The following ZNF605 variants were observed in gnomAD, a reference collection of about 807,000 sequenced individuals.
ZNF605 encodes zinc finger protein 605.
A neutral mutation model predicts 7.9 loss-of-function variants in ZNF605; 9 were observed. The ratio of observed to expected loss-of-function variants is 1.14; its 90% CI spans 0.68 to 1.98. ZNF605 has a LOEUF of 1.98. Among genes scored for constraint, ZNF605 ranks in the 30% most tolerant of loss-of-function variants. The probability of loss-of-function intolerance (pLI) is 0.00; values close to 1 mark genes in which losing one functional copy is unlikely to be tolerated. For missense variants in ZNF605, 673 were observed against 762.4 expected (o/e 0.88, Z 1.38); for synonymous variants, 255 against 260.1 (o/e 0.98, Z 0.19).
rs1016235781 is a variant in ZNF605 at position 132,922,345 on chromosome 12, A to C, written c.*3028T>G. On this transcript the variant is annotated 3_prime_UTR_variant, in exon 5 of 5. Coordinates refer to ENST00000360187, the MANE Select transcript of ZNF605 (RefSeq NM_183238.4). ...TTCTATTACTGAAGAGGAGCTTAGT[A>C]ATAACTGCAAGTCTATTTATATATG... is the stretch of plus-strand genomic sequence containing the variant. 1 of 152,240 alleles carries C rather than the reference A, an allele frequency of 6.6e-6. No homozygotes were observed. The highest frequency in any genetic ancestry group is 1.5e-5 in the Non-Finnish European group (1 of 68,038). The allele number at this position is 152,240 out of a possible 1,614,324, so 9.4% of individuals were successfully genotyped here.
rs1249825680 is a variant in ZNF605, at chr12:132,933,818, C to G, written c.16-663G>C. Among the ~76,000 whole-genome samples, 1 of 152,176 alleles carries G rather than the reference C, an allele frequency of 6.6e-6. No individual in the cohort carries two copies. Among genetic ancestry groups the G allele is most frequent in the Non-Finnish European group, 1.5e-5 (1 of 68,038 alleles). ...ATGTACCTATCCACTGAACAAGAAA[C>G]CAGAATAGGTTGTCTTTAAACAATA... is the stretch of plus-strand genomic sequence containing the variant. On this transcript the variant is annotated intron_variant, in intron 3 of 4. Coordinates refer to ENST00000360187, the MANE Select transcript of ZNF605 (RefSeq NM_183238.4). This position sits in a 1 kb window ranked among gnomAD's most constrained non-coding sequence, Gnocchi z 4.4.
Position 132,918,634 on chromosome 12 carries a change from G to A in ZNF605, c.*6739C>T, listed in dbSNP as rs1271459779. Reference sequence around the variant, plus strand: ...ACTCTGTTGCTCAGGCTGGAGTGCAGTGGTGGTGCCATCTTGGCTCACTGC... The same window carrying A: ...ACTCTGTTGCTCAGGCTGGAGTGCAATGGTGGTGCCATCTTGGCTCACTGC... On this transcript the variant is annotated 3_prime_UTR_variant, in exon 5 of 5. Transcript: ENST00000360187. The A allele has an allele frequency of 6.6e-6, 1 of 152,310 alleles. No homozygotes were observed. Among genetic ancestry groups the A allele is most frequent in the Non-Finnish European group, 1.5e-5 (1 of 68,118 alleles). 9.4% of individuals were successfully genotyped at this position (152,310 alleles called of 1,614,324 possible). A position where few individuals can be genotyped will look rare whatever the true frequency, so the allele number is the denominator to read the frequency against.
chr12:132,944,290 C>A (rs1001213753), intron 3 of ZNF605, among the ~76,000 whole-genome samples: 2 of 151,158 alleles, frequency 1.3e-5, no homozygotes. Context: ...CCACTCCTGG[C>A]GTAGGACTGA....
chr12:132,954,050 C>T (rs1346149310), intron 1 of ZNF605, among the ~76,000 whole-genome samples: 1 of 151,888 alleles, frequency 6.6e-6, no homozygotes, highest in Non-Finnish European at 1.5e-5. Flanking sequence ...AAAACTGTCC[C>T]CCATTCAACG....
chr12:132,932,616 A>C, intron 4 of ZNF605: 3 of 771,106 alleles, frequency 3.9e-6, no homozygotes, highest in South Asian at 4.0e-5. Flanking sequence ...GGAACTTTAA[A>C]CACAGTTTTA....
chr12:132,934,887 C>T (rs1952347606), intron 3 of ZNF605, among the ~76,000 whole-genome samples: 1 of 152,136 alleles, frequency 6.6e-6, no homozygotes, highest in South Asian at 2.1e-4. Context: ...TTTAACAACA[C>T]TGGGTTAGGT....
At chr12:132,950,824 C>A (rs935742171) in intron 1 of ZNF605, among the ~76,000 whole-genome samples, 1 of 151,854 alleles carries the variant, frequency 6.6e-6, no homozygotes, top group African/African-American at 2.4e-5. Context: ...CATGTACACA[C>A]ACTGATAACG....
In ZNF605 at chr12:132,919,743, A is replaced by G. The variant is rs1284648841; in HGVS notation, c.*5630T>C. The G allele has an allele frequency of 2.6e-5, 4 of 152,062 alleles. No individual in the cohort carries two copies. The highest frequency in any genetic ancestry group is 4.8e-5 in the African/African-American group (2 of 41,392). The allele number at this position is 152,062 out of a possible 1,614,324, so 9.4% of individuals were successfully genotyped here. On this transcript the variant is annotated 3_prime_UTR_variant, in exon 5 of 5. Coordinates refer to ENST00000360187, the MANE Select transcript of ZNF605 (RefSeq NM_183238.4). ...AAGTTATAAATGTCCCTTCACTTAC[A>G]TTTCTTTTCATCTTAACAGTGAATG...
rs112997850 is a variant in ZNF605 at position 132,933,309 on chromosome 12, G to A, written c.16-154C>T. On this transcript the variant is annotated intron_variant, in intron 3 of 4. Coordinates refer to ENST00000360187, the MANE Select transcript of ZNF605 (RefSeq NM_183238.4). The surrounding 1 kb of genome is among the most constrained non-coding windows in gnomAD (Gnocchi z 4.4). ...TTTGCATAATCCTCCCCTCTTGACC[G>A]TGGGCTGGACTCACTGACTCATTGT... Among the ~76,000 whole-genome samples, 549 of 152,302 alleles carry A rather than the reference G, an allele frequency of 3.6e-3. 4 individuals are homozygous for A. Among genetic ancestry groups the A allele is most frequent in the African/African-American group, 0.013 (522 of 41,558 alleles).
chr12:132,933,036 C>T lies in ZNF605; in HGVS notation c.135G>A (p.Leu45=), dbSNP rs1476972457. The T allele has an allele frequency of 6.3e-7, 1 of 1,585,172 alleles. No homozygotes were observed. Among genetic ancestry groups the T allele is most frequent in the East Asian group, 2.3e-5 (1 of 44,420 alleles). The part of the protein sequence containing the change: ...MLENYSNLVF[L]EVWLDNPKMW... ...TAAGTTACATAAGAATGTTCTTACC[C>T]AAGAAAACCAGATTGCTATAGTTCT... Residue 45 remains leucine (L), a splice_region_variant and synonymous_variant, in exon 4 of 5, where the codon TTG becomes TTA. Coordinates refer to ENST00000360187, the MANE Select transcript of ZNF605 (RefSeq NM_183238.4). The surrounding 1 kb of genome is among the most constrained non-coding windows in gnomAD (Gnocchi z 4.4).
In ZNF605 at chr12:132,927,005, T is replaced by C. The variant is rs1450938254; in HGVS notation, c.294A>G (p.Gly98=). 21 of 1,611,486 alleles carry C rather than the reference T, an allele frequency of 1.3e-5. No individual in the cohort carries two copies. The highest frequency in any genetic ancestry group is 1.7e-5 in the Non-Finnish European group (20 of 1,179,846). The stretch of plus-strand genomic sequence containing the variant: ...CAAAAGGACATTTCAAACTTTTTTC[T>C]CCTGTGCCACATTTATGGGATCGCA... The part of the protein sequence containing the change: ...VGLRSHKCGT[G]EKSLKCPFDL... The change falls in exon 5 of 5, where the codon GGA becomes GGG. Residue 98 remains glycine, a synonymous_variant. Transcript: ENST00000360187.
intron 3 of ZNF605, chr12:132,944,718 T>A (rs1423329401): frequency 6.6e-6 from 1 of 152,332 alleles, no homozygotes; most frequent in Non-Finnish European, 1.5e-5. Context: ...GAAATAGTCC[T>A]AGGAAACCTG....
Position 132,919,039 on chromosome 12 carries a change from C to T in ZNF605, c.*6334G>A, listed in dbSNP as rs1952180840. On this transcript the variant is annotated 3_prime_UTR_variant, in exon 5 of 5. Coordinates refer to ENST00000360187, the MANE Select transcript of ZNF605 (RefSeq NM_183238.4). Reference sequence around the variant, plus strand: ...TACCCTCAGAGCTGCCTGGCAAATACCATGGTTTGGGGACGAATCTACACT... The same window carrying T: ...TACCCTCAGAGCTGCCTGGCAAATATCATGGTTTGGGGACGAATCTACACT... The T allele has an allele frequency of 6.6e-6, 1 of 151,148 alleles. No homozygotes were observed. The highest frequency in any genetic ancestry group is 6.6e-5 in the Admixed American group (1 of 15,178). The allele number at this position is 151,148 out of a possible 1,614,324, so 9.4% of individuals were successfully genotyped here.
intron 3 of ZNF605, among the ~76,000 whole-genome samples, chr12:132,937,534 C>A (rs1262250690): frequency 1.3e-5 from 2 of 152,088 alleles, no homozygotes; most frequent in East Asian, 3.8e-4. Flanking sequence ...CACACACACA[C>A]ACCCCTGACA....
chr12:132,932,896 T>C (rs1952321936), intron 4 of ZNF605, 139 bp downstream of exon 4: 3 of 1,364,262 alleles, frequency 2.2e-6, no homozygotes, highest in Non-Finnish European at 2.9e-6. Flanking sequence ...GGCTGCAAAA[T>C]AAAGCAAGTG....
chr12:132,927,806 G>A (rs1004549179), intron 4 of ZNF605, among the ~76,000 whole-genome samples: 11 of 151,920 alleles, frequency 7.2e-5, no homozygotes, highest in South Asian at 2.1e-4. Context: ...ACAGGTGTGC[G>A]CCATCACACT....
intron 2 of ZNF605, among the ~76,000 whole-genome samples, chr12:132,946,423 G>T (rs1210699519): frequency 6.6e-6 from 1 of 152,218 alleles, no homozygotes; most frequent in African/African-American, 2.4e-5. Flanking sequence ...AGCAGGGCCT[G>T]GCTGCAGCCT....
In ZNF605 at chr12:132,919,161, AC is replaced by A. The variant is rs1404834843; in HGVS notation, c.*6211del. ...AATAAAAAGTTAATTCACTTCTCCCACCCCCTATTGTAAGTTTAAGCTTGAT... is the reference window on the plus strand; with the variant it reads ...AATAAAAAGTTAATTCACTTCTCCCACCCCTATTGTAAGTTTAAGCTTGAT... On this transcript the variant is annotated 3_prime_UTR_variant, in exon 5 of 5. Coordinates refer to ENST00000360187, the MANE Select transcript of ZNF605 (RefSeq NM_183238.4). 6.6e-6 allele frequency: 1 copy of A among 151,498 alleles called. No homozygotes were observed. Among genetic ancestry groups the A allele is most frequent in the African/African-American group, 2.4e-5 (1 of 41,204 alleles). The allele number at this position is 151,498 out of a possible 1,614,324, so 9.4% of individuals were successfully genotyped here.
intron 3 of ZNF605, chr12:132,945,273 G>C: frequency 1.3e-6 from 1 of 784,860 alleles, no homozygotes; most frequent in Non-Finnish European, 2.1e-6. Flanking sequence ...TGAGACTTTT[G>C]TATGTTTCTA....
Sources: gnomAD v4.1 joint callset for allele counts (sites outside exome capture counted in the v4.1 genomes callset) on GRCh38, gnomAD v4.1.1 for gene constraint, Gnocchi (gnomAD v3.1) non-coding constraint, MANE v1.5 for transcripts, NCBI Gene and HGNC (gene_info 2026-07-23, HGNC 2026-07-21) for gene names.